The following SNTG1 variants were observed in gnomAD, a reference collection of about 807,000 sequenced individuals.
SNTG1 encodes the protein syntrophin gamma 1, also known as gamma-1-syntrophin.
Under a neutral mutation model 74.7 loss-of-function variants are expected in SNTG1, and 39 were observed. That is an observed-to-expected ratio of 0.52 (90% CI 0.40 to 0.68). The LOEUF (loss-of-function observed/expected upper bound fraction) is 0.68. SNTG1 is among the 30% of genes least tolerant of loss of function. The pLI is 0.00. For synonymous variants in SNTG1, 254 were observed against 217.1 expected, an observed-to-expected ratio of 1.17 and a Z score of -1.49; for missense variants, 685 against 609.5, an observed-to-expected ratio of 1.12 and a Z score of -1.30.
chr8:50,690,987 T>C lies in SNTG1; in HGVS notation c.1039-13613T>C, dbSNP rs928717071. ...TTAGCTCTTCTTGTTGAATTGAACCTTTTACCATTATGTAACGGCCTTCTT... is the reference window on the plus strand; with the variant it reads ...TTAGCTCTTCTTGTTGAATTGAACCCTTTACCATTATGTAACGGCCTTCTT... On this transcript the variant is annotated intron_variant, in intron 15 of 18. Coordinates refer to ENST00000642720, the MANE Select transcript of SNTG1 (RefSeq NM_018967.5). 8.5e-5 allele frequency among the ~76,000 whole-genome samples: 13 copies of C among 152,296 alleles called. 1 individual carries two copies. In the East Asian group the frequency reaches 1.3e-3, roughly 16 times the overall value.
At chr8:50,389,624 G>T (rs1001375835) in intron 2 of SNTG1, among the ~76,000 whole-genome samples, 6 of 152,120 alleles carry the variant, frequency 3.9e-5, no homozygotes, top group African/African-American at 1.2e-4. Context: ...GGGTCAAATG[G>T]TATTTCTAGT....
Position 50,276,022 on chromosome 8 carries a change from T to C in SNTG1, c.-28+103387T>C, listed in dbSNP as rs9298300. On this transcript the variant is annotated intron_variant, in intron 2 of 18. Coordinates refer to ENST00000642720, the MANE Select transcript of SNTG1 (RefSeq NM_018967.5). ...TTTGGTAACCAATGTCTATTTTATT[T>C]TTTAACTTATTTTACTTCTGCTAAA... Among the ~76,000 whole-genome samples, 900 of 152,338 alleles carry C rather than the reference T, an allele frequency of 5.9e-3. 9 individuals carry two copies. Among genetic ancestry groups the C allele is most frequent in the African/African-American group, 0.02 (849 of 41,572 alleles).
intron 18 of SNTG1, among the ~76,000 whole-genome samples, chr8:50,754,050 G>T (rs2131708852): frequency 6.6e-6 from 1 of 152,068 alleles, no homozygotes; most frequent in South Asian, 2.1e-4. Context: ...TAAAAATTGT[G>T]TAAGAACTGG....
chr8:50,694,450 C>T (rs540429678), intron 15 of SNTG1, among the ~76,000 whole-genome samples: 1 of 152,150 alleles, frequency 6.6e-6, no homozygotes, highest in Admixed American at 6.5e-5. Context: ...AATAAGAAGT[C>T]TCCCATCAGA....
At chr8:50,477,973 T>C (rs16914922) in intron 8 of SNTG1, among the ~76,000 whole-genome samples, 3,509 of 152,312 alleles carry the variant, frequency 0.023, 124 homozygotes, top group African/African-American at 0.077. Context: ...TAATGGGCAA[T>C]ACATATATGG....
intron 1 of SNTG1, among the ~76,000 whole-genome samples, chr8:50,160,529 T>C (rs1464823790): frequency 6.6e-6 from 1 of 152,172 alleles, no homozygotes; most frequent in Admixed American, 6.5e-5. Context: ...GCTTTCATTT[T>C]ATATCACAAC....
rs200051765 is a variant in SNTG1 at position 50,411,482 on chromosome 8, A to AT, written c.162+9138_162+9139insT. Among the ~76,000 whole-genome samples, 1,357 of 152,016 alleles carry AT rather than the reference A, an allele frequency of 8.9e-3. 26 individuals carry two copies. The highest frequency in any genetic ancestry group is 0.031 in the African/African-American group (1,285 of 41,468). On this transcript the variant is annotated intron_variant, in intron 4 of 18. Coordinates refer to ENST00000642720, the MANE Select transcript of SNTG1 (RefSeq NM_018967.5). Reference sequence around the variant, plus strand: ...AAATAAAAAGACTCCATCTCAAAAAAAAAATAAAATAAAAACAGAAGGAGG... The same window carrying AT: ...AAATAAAAAGACTCCATCTCAAAAAATAAAATAAAATAAAAACAGAAGGAGG...
chr8:50,581,711 C>A (rs1431600455), intron 12 of SNTG1, among the ~76,000 whole-genome samples: 2 of 152,088 alleles, frequency 1.3e-5, no homozygotes, highest in East Asian at 3.9e-4. Context: ...GAAATGGAAG[C>A]TTTTATTGGC....
At chr8:50,405,498 T>C (rs2092861587) in intron 4 of SNTG1, among the ~76,000 whole-genome samples, 1 of 152,100 alleles carries the variant, frequency 6.6e-6, no homozygotes, top group Non-Finnish European at 1.5e-5. Flanking sequence ...AATTGGATTG[T>C]TTGTTTTTTG....
chr8:50,591,038 G>A, intron 13 of SNTG1, 121 bp downstream of exon 13: 1 of 573,906 alleles, frequency 1.7e-6, no homozygotes. Context: ...ACTATCTTCA[G>A]TGAGAAACAT....
chr8:50,155,984 A>T (rs548161806), intron 1 of SNTG1, among the ~76,000 whole-genome samples: 1 of 152,200 alleles, frequency 6.6e-6, no homozygotes, highest in Non-Finnish European at 1.5e-5. Flanking sequence ...GAAAAAAAAT[A>T]AACACTATTC....
chr8:49,928,106 G>A (rs184748569), intron 1 of SNTG1, among the ~76,000 whole-genome samples: 23 of 150,582 alleles, frequency 1.5e-4, no homozygotes, highest in Non-Finnish European at 2.7e-4. Flanking sequence ...TCCAGCCTGG[G>A]CAACAGAGTG....
intron 2 of SNTG1, among the ~76,000 whole-genome samples, chr8:50,389,047 G>A (rs1312495886): frequency 6.6e-6 from 1 of 152,170 alleles, no homozygotes; most frequent in African/African-American, 2.4e-5. Context: ...GGCCAACAGG[G>A]CAGCAGCTTC....
At chr8:50,177,390 T>C (rs2083038595) in intron 2 of SNTG1, among the ~76,000 whole-genome samples, 1 of 152,174 alleles carries the variant, frequency 6.6e-6, no homozygotes, top group Non-Finnish European at 1.5e-5. Context: ...GGTTATCTTG[T>C]GTCAGCTGCA....
chr8:50,691,618 G>A (rs977905288), intron 15 of SNTG1, among the ~76,000 whole-genome samples: 110 of 152,292 alleles, frequency 7.2e-4, no homozygotes, highest in African/African-American at 2.6e-3. Context: ...CGAGAGATCA[G>A]CTGTTAGTCT....
intron 1 of SNTG1, among the ~76,000 whole-genome samples, chr8:49,941,295 A>G (rs1457055768): frequency 1.3e-5 from 2 of 152,016 alleles, no homozygotes; most frequent in Admixed American, 1.3e-4. Flanking sequence ...CTTCTAGAAG[A>G]GCCACCCTCT....
At chr8:50,593,231 T>A (rs2094703921) in intron 13 of SNTG1, among the ~76,000 whole-genome samples, 1 of 152,016 alleles carries the variant, frequency 6.6e-6, no homozygotes, top group African/African-American at 2.4e-5. Context: ...AAGCAAAACA[T>A]AGGGAGAAAG....
At chr8:50,187,005 T>C (rs1162955175) in intron 2 of SNTG1, among the ~76,000 whole-genome samples, 1 of 152,152 alleles carries the variant, frequency 6.6e-6, no homozygotes, top group African/African-American at 2.4e-5. Flanking sequence ...CCAGGTTTTT[T>C]ATGGTTTGGG....
intron 2 of SNTG1, among the ~76,000 whole-genome samples, chr8:50,323,215 A>ACT (rs1375970890): frequency 6.6e-6 from 1 of 151,830 alleles, no homozygotes; most frequent in Non-Finnish European, 1.5e-5. Flanking sequence ...CTCTTTGTTA[A>ACT]ATATATATAA....
Sources: gnomAD v4.1 joint callset for allele counts (sites outside exome capture counted in the v4.1 genomes callset) on GRCh38, gnomAD v4.1.1 for gene constraint, MANE v1.5 for transcripts, NCBI Gene and HGNC (gene_info 2026-07-23, HGNC 2026-07-21) for gene names.